CHST11: variants seen among roughly 807,000 people sequenced by gnomAD.
CHST11 encodes C4S-1.
CHST11 carries 9 observed loss-of-function variants against 30.4 expected under a neutral mutation model. That is an observed-to-expected ratio of 0.30 (90% CI 0.18 to 0.52). The LOEUF is 0.52. Among genes scored for constraint, CHST11 ranks in the 20% least tolerant of loss-of-function variants. The pLI, the probability that CHST11 is intolerant of heterozygous loss-of-function variation, is 0.97. For synonymous variants in CHST11, 152 were observed against 187.8 expected (o/e 0.81, Z 1.56); for missense variants, 348 against 460.6 (o/e 0.76, Z 2.24).
intron 1 of CHST11, among the ~76,000 whole-genome samples, chr12:104,495,590 C>T (rs1021187613): frequency 6.6e-6 from 1 of 152,006 alleles, no homozygotes; most frequent in African/African-American, 2.4e-5. Flanking sequence ...TTCAGGTAAC[C>T]AATACATAAA....
chr12:104,751,927 T>C lies in CHST11; in HGVS notation c.205-5022T>C, dbSNP rs550101438. ...TTCTTCTATATAAAATAGCCTCTTATATGATGTTATCTTCTCTTTAAACTT... is the reference window on the plus strand; with the variant it reads ...TTCTTCTATATAAAATAGCCTCTTACATGATGTTATCTTCTCTTTAAACTT... On this transcript the variant is annotated intron_variant, in intron 2 of 2. Coordinates refer to ENST00000303694, the MANE Select transcript of CHST11 (RefSeq NM_018413.6). Among the ~76,000 whole-genome samples the C allele has an allele frequency of 3.5e-4, 54 of 152,374 alleles. No individual in the cohort carries two copies. The South Asian group carries it at 3.7e-3, about 11-fold the overall frequency.
intron 2 of CHST11, among the ~76,000 whole-genome samples, chr12:104,681,022 T>G (rs1382964705): frequency 6.6e-6 from 1 of 152,228 alleles, no homozygotes; most frequent in Admixed American, 6.5e-5. Flanking sequence ...GAGGATGAAT[T>G]GAGATAATAA....
intron 1 of CHST11, among the ~76,000 whole-genome samples, chr12:104,522,690 T>A (rs1416652914): frequency 6.6e-6 from 1 of 152,118 alleles, no homozygotes; most frequent in East Asian, 1.9e-4. Flanking sequence ...CTATGTTGCT[T>A]GGGCTGGTCT....
intron 2 of CHST11, among the ~76,000 whole-genome samples, chr12:104,712,046 G>T (rs1415967316): frequency 6.6e-6 from 1 of 152,172 alleles, no homozygotes; most frequent in Non-Finnish European, 1.5e-5. Flanking sequence ...AACACGTTAA[G>T]GTTGGGCTGG....
At chr12:104,578,706 G>T (rs1458873129) in intron 1 of CHST11, among the ~76,000 whole-genome samples, 3 of 152,188 alleles carry the variant, frequency 2.0e-5, no homozygotes, top group Admixed American at 2.0e-4. Flanking sequence ...CATGGAAAGC[G>T]CTCAGCAAGC....
At chr12:104,658,329 G>A (rs756041716) in intron 2 of CHST11, among the ~76,000 whole-genome samples, 17 of 152,232 alleles carry the variant, frequency 1.1e-4, no homozygotes, top group Non-Finnish European at 1.8e-4. Flanking sequence ...CTGTCTCCTT[G>A]GCTGGTAGAT....
At chr12:104,513,376 C>T (rs898648138) in intron 1 of CHST11, among the ~76,000 whole-genome samples, 6 of 152,082 alleles carry the variant, frequency 3.9e-5, no homozygotes, top group Admixed American at 3.3e-4. Flanking sequence ...AGGTAAATCT[C>T]CCCCACCCCC....
intron 1 of CHST11, among the ~76,000 whole-genome samples, chr12:104,512,071 T>C (rs1430969411): frequency 6.6e-6 from 1 of 152,232 alleles, no homozygotes; most frequent in Non-Finnish European, 1.5e-5. Flanking sequence ...AAAATTGTTA[T>C]ATTTTTTCCC....
At chr12:104,632,316 C>T (rs1336351150) in intron 2 of CHST11, among the ~76,000 whole-genome samples, 1 of 152,170 alleles carries the variant, frequency 6.6e-6, no homozygotes, top group African/African-American at 2.4e-5. Context: ...CAGGAGCCTA[C>T]CTGTGCTCAG....
At chr12:104,583,248 G>C (rs1295174418) in intron 1 of CHST11, among the ~76,000 whole-genome samples, 1 of 152,072 alleles carries the variant, frequency 6.6e-6, no homozygotes, top group Non-Finnish European at 1.5e-5. Flanking sequence ...CCTTAAAATT[G>C]TGAGTGTTTC....
At chr12:104,564,864 A>G (rs1456898899) in intron 1 of CHST11, among the ~76,000 whole-genome samples, 2 of 152,218 alleles carry the variant, frequency 1.3e-5, no homozygotes, top group African/African-American at 2.4e-5. Context: ...CACATCTTAC[A>G]TGGTGGCAGG....
intron 1 of CHST11, among the ~76,000 whole-genome samples, chr12:104,464,776 C>T (rs182071130): frequency 1.3e-5 from 2 of 152,216 alleles, no homozygotes; most frequent in African/African-American, 4.8e-5. Flanking sequence ...AGGGTGCAAT[C>T]GGTGGCATTT....
At chr12:104,593,445 T>C (rs1238531218) in intron 1 of CHST11, among the ~76,000 whole-genome samples, 1 of 152,246 alleles carries the variant, frequency 6.6e-6, no homozygotes, top group Non-Finnish European at 1.5e-5. Flanking sequence ...CAGGTTAGGC[T>C]GAACCCTATT....
intron 2 of CHST11, among the ~76,000 whole-genome samples, chr12:104,643,759 A>G (rs1255817882): frequency 6.6e-6 from 1 of 152,140 alleles, no homozygotes; most frequent in African/African-American, 2.4e-5. Context: ...GGATGGAAAC[A>G]TCAGTTGTGC....
intron 1 of CHST11, among the ~76,000 whole-genome samples, chr12:104,486,574 G>T (rs1037215556): frequency 1.3e-5 from 2 of 152,136 alleles, no homozygotes; most frequent in African/African-American, 4.8e-5. Flanking sequence ...TTTCTGGTAC[G>T]TCTGGATGGT....
chr12:104,740,153 G>T (rs1317021621), intron 2 of CHST11, among the ~76,000 whole-genome samples: 1 of 152,170 alleles, frequency 6.6e-6, no homozygotes, highest in African/African-American at 2.4e-5. Context: ...CCCAGTTCTT[G>T]CCTCACTTTT....
intron 1 of CHST11, among the ~76,000 whole-genome samples, chr12:104,554,461 T>G (rs2038435713): frequency 6.6e-6 from 1 of 152,184 alleles, no homozygotes; most frequent in Non-Finnish European, 1.5e-5. Context: ...ATGCATGGGC[T>G]CTGGTGCTGG....
intron 2 of CHST11, among the ~76,000 whole-genome samples, chr12:104,618,375 C>T (rs2039129217): frequency 6.6e-6 from 1 of 151,972 alleles, no homozygotes; most frequent in South Asian, 2.1e-4. Context: ...AGGCCTGGGC[C>T]ACCACACCCA....
chr12:104,727,737 TAAGGCAGTGTTCTAGGTGCTG>T (rs1258107583), intron 2 of CHST11, among the ~76,000 whole-genome samples: 1 of 152,210 alleles, frequency 6.6e-6, no homozygotes, highest in African/African-American at 2.4e-5. Context: ...AGGTGTTTAT[TAAGGCAGTGTTCTAGGTGCTG>T]GAGACACAGC....
Sources: gnomAD v4.1 joint callset for allele counts (sites outside exome capture counted in the v4.1 genomes callset) on GRCh38, gnomAD v4.1.1 for gene constraint, MANE v1.5 for transcripts, NCBI Gene and HGNC (gene_info 2026-07-23, HGNC 2026-07-21) for gene names.